SLC6A18: variants seen among roughly 807,000 people sequenced by gnomAD.
The protein encoded by SLC6A18 is solute carrier family 6 member 18.
Under a neutral mutation model 62.9 loss-of-function variants are expected in SLC6A18, and 58 were observed. The ratio of observed to expected loss-of-function variants is 0.92; its 90% CI spans 0.75 to 1.15. SLC6A18 has a LOEUF of 1.15. Ranked by LOEUF, SLC6A18 falls within the 50% of genes most tolerant of loss-of-function variation. SLC6A18 has a pLI of 0.00. For missense variants in SLC6A18, 793 were observed against 836.6 expected, an observed-to-expected ratio of 0.95 and a Z score of 0.64; for synonymous variants, 382 against 365.8, an observed-to-expected ratio of 1.04 and a Z score of -0.51.
chr5:1,225,572 C>T lies in SLC6A18; in HGVS notation c.95C>T (p.Thr32Ile), dbSNP rs7705355. 1,500,062 of 1,612,108 alleles carry T rather than the reference C, an allele frequency of 0.93. 701,073 individuals are homozygous for T. The highest frequency in any genetic ancestry group is 0.95 in the Non-Finnish European group (1,122,116 of 1,179,184). Reference protein sequence around the residue: ...DNKAQYLLSCTGFAVGLGNIW... With the variant: ...DNKAQYLLSCIGFAVGLGNIW... ...AAGGCCCAGTACCTCCTGAGCTGCACTGGGTTTGCCGTGGGACTGGGGAAC... is the reference window on the plus strand; with the variant it reads ...AAGGCCCAGTACCTCCTGAGCTGCATTGGGTTTGCCGTGGGACTGGGGAAC... Residue 32 changes from threonine to isoleucine, a missense_variant, in exon 1 of 12, where the codon ACT becomes ATT. Thr to Ile is a moderately conservative substitution (Grantham distance 89, BLOSUM62 -1). Coordinates refer to ENST00000324642, the MANE Select transcript of SLC6A18 (RefSeq NM_182632.3).
chr5:1,226,250 T>C (rs10063638), intron 1 of SLC6A18, among the ~76,000 whole-genome samples: 138,581 of 152,266 alleles, frequency 0.91, 63,502 homozygotes, highest in Non-Finnish European at 0.95. Context: ...CCCACGCACC[T>C]CGAGCCTCCC....
chr5:1,245,284 C>T (rs935141007), intron 11 of SLC6A18, among the ~76,000 whole-genome samples: 7 of 152,116 alleles, frequency 4.6e-5, no homozygotes, highest in Non-Finnish European at 7.4e-5. Context: ...ACTCCGAAAA[C>T]GCCTCAGGGG....
chr5:1,233,987 T>G (rs373659756), intron 3 of SLC6A18, among the ~76,000 whole-genome samples: 1 of 152,116 alleles, frequency 6.6e-6, no homozygotes, highest in Non-Finnish European at 1.5e-5. Flanking sequence ...GTGATCCGCC[T>G]GCCTCGGCCT....
At chr5:1,228,247 G>A (rs114903367) in intron 1 of SLC6A18, among the ~76,000 whole-genome samples, 2 of 152,196 alleles carry the variant, frequency 1.3e-5, no homozygotes, top group Non-Finnish European at 2.9e-5. Flanking sequence ...ACACTGCCCG[G>A]GGGGAGTTTC....
chr5:1,233,156 G>A (rs1362662377), intron 3 of SLC6A18, among the ~76,000 whole-genome samples: 2 of 152,230 alleles, frequency 1.3e-5, no homozygotes, highest in Non-Finnish European at 2.9e-5. Context: ...GCATGGCGTG[G>A]TCATGCGAGG....
At chr5:1,230,517 C>T (rs1746705465) in intron 1 of SLC6A18, among the ~76,000 whole-genome samples, 1 of 152,202 alleles carries the variant, frequency 6.6e-6, no homozygotes, top group Admixed American at 6.5e-5. Context: ...GCCGTCCGGC[C>T]CCCACATGCT....
rs751980651 is a variant in SLC6A18 at position 1,243,550 on chromosome 5, T to C, written c.1132-5T>C. The C allele has an allele frequency of 6.2e-7, 1 of 1,613,030 alleles. No individual in the cohort carries two copies. Among genetic ancestry groups the C allele is most frequent in the East Asian group, 2.2e-5 (1 of 44,864 alleles). On this transcript the variant is annotated splice_polypyrimidine_tract_variant and splice_region_variant and intron_variant, in intron 8 of 11. Coordinates refer to ENST00000324642, the MANE Select transcript of SLC6A18 (RefSeq NM_182632.3). This position sits in a 1 kb window ranked among gnomAD's most constrained non-coding sequence, Gnocchi z 6.5. ...GCCTGAAGCCCGGGGCTCCGTGTAT[T>C]GCAGAGTGCCTCGGGCCCGGGCCTG... is the stretch of plus-strand genomic sequence containing the variant.
chr5:1,240,611 C>T lies in SLC6A18; in HGVS notation c.926C>T (p.Ser309Phe). Residue 309 changes from serine to phenylalanine, a missense_variant, in exon 7 of 12, where the codon TCT becomes TTT. Physicochemically the swap from Ser to Phe is radical, Grantham distance 155. Coordinates refer to ENST00000324642, the MANE Select transcript of SLC6A18 (RefSeq NM_182632.3). ...CTGTACGCGTCCATCGCTGTCTTCT[C>T]TGTCCTGGGGTTCAAAGCAACTAAT... ...TSLYASIAVFSVLGFKATNDY... is the reference protein window; with the variant it reads ...TSLYASIAVFFVLGFKATNDY... 6.2e-7 allele frequency: 1 copy of T among 1,614,210 alleles called. No individual in the cohort carries two copies. Among genetic ancestry groups the T allele is most frequent in the Non-Finnish European group, 8.5e-7 (1 of 1,180,036 alleles).
chr5:1,241,340 C>G lies in SLC6A18; in HGVS notation c.974+681C>G, dbSNP rs749617592. 3.8e-4 allele frequency among the ~76,000 whole-genome samples: 58 copies of G among 152,220 alleles called. No individual in the cohort carries two copies. Among genetic ancestry groups the G allele is most frequent in the Non-Finnish European group, 1.2e-4 (8 of 68,032 alleles). The stretch of plus-strand genomic sequence containing the variant: ...GCAACATGGGGTGACTCTGACCCCA[C>G]CAGGGTACATCTGGCAGTATATGGA... On this transcript the variant is annotated intron_variant, in intron 7 of 11. Transcript: ENST00000324642. This position sits in a 1 kb window ranked among gnomAD's most constrained non-coding sequence, Gnocchi z 7.8.
At chr5:1,232,928 C>T in intron 3 of SLC6A18, 40 bp downstream of exon 3, 1 of 1,576,192 alleles carries the variant, frequency 6.3e-7, no homozygotes, top group South Asian at 1.2e-5. Context: ...CCGTGCACGG[C>T]CGAGAGAGGC....
At chr5:1,237,875 C>G (rs866992801) in intron 4 of SLC6A18, 75 bp from the exon 5 acceptor site, 3 of 1,186,892 alleles carry the variant, frequency 2.5e-6, no homozygotes, top group Admixed American at 1.7e-5. Context: ...GTGTCTGGAG[C>G]CTGCCTGCTT....
Position 1,241,877 on chromosome 5 carries a change from G to A in SLC6A18, c.975-830G>A, listed in dbSNP as rs78844046. 0.085 allele frequency among the ~76,000 whole-genome samples: 12,951 copies of A among 152,282 alleles called. 751 individuals carry two copies. The highest frequency in any genetic ancestry group is 0.15 in the African/African-American group (6,330 of 41,544). ...ACCAGCCGTGCGCACAACGCCCTGC[G>A]CCGTGCAGCCCAAGCTGGCCTCGTG... On this transcript the variant is annotated intron_variant, in intron 7 of 11. Coordinates refer to ENST00000324642, the MANE Select transcript of SLC6A18 (RefSeq NM_182632.3). This position sits in a 1 kb window ranked among gnomAD's most constrained non-coding sequence, Gnocchi z 7.8.
At chr5:1,229,533 C>T (rs1472646408) in intron 1 of SLC6A18, among the ~76,000 whole-genome samples, 1 of 152,230 alleles carries the variant, frequency 6.6e-6, no homozygotes. Flanking sequence ...CCCAGGGCAC[C>T]TGCTGGCCTG....
Position 1,238,381 on chromosome 5 carries a change from C to CAGGTGGA in SLC6A18, c.732+321_732+322insAGGTGGA, listed in dbSNP as rs1561178823. ...GGTCAGGTTTGGAGTGGGCCTGGGG[C>CAGGTGGA]CTCAGGAAAGAGGTCAGGTTTGGAG... On this transcript the variant is annotated intron_variant, in intron 5 of 11. Coordinates refer to ENST00000324642, the MANE Select transcript of SLC6A18 (RefSeq NM_182632.3). Among the ~76,000 whole-genome samples the CAGGTGGA allele has an allele frequency of 7.0e-4, 22 of 31,346 alleles. 1 individual carries two copies. In the African/African-American group the frequency reaches 8.7e-3, roughly 12 times the overall value. The allele number at this position is 31,346 out of a possible 152,430, so 20.6% of individuals were successfully genotyped here.
chr5:1,227,853 C>T (rs1330206634), intron 1 of SLC6A18, among the ~76,000 whole-genome samples: 2 of 152,194 alleles, frequency 1.3e-5, no homozygotes, highest in African/African-American at 2.4e-5. Flanking sequence ...GCCAGCTGCC[C>T]GGGACACTCT....
intron 4 of SLC6A18, among the ~76,000 whole-genome samples, chr5:1,236,715 G>T (rs1746891007): frequency 6.6e-6 from 1 of 152,084 alleles, no homozygotes; most frequent in Admixed American, 6.5e-5. Context: ...CAGGACCCCA[G>T]TGCCCCATGC....
At chr5:1,227,174 C>T (rs1008289083) in intron 1 of SLC6A18, among the ~76,000 whole-genome samples, 5 of 151,994 alleles carry the variant, frequency 3.3e-5, no homozygotes, top group Non-Finnish European at 7.4e-5. Context: ...CCTTGCCCGC[C>T]GATGCCTTGC....
intron 9 of SLC6A18, 31 bp from the exon 10 acceptor site, chr5:1,244,176 ATCCCCTT>A: frequency 6.7e-6 from 2 of 297,844 alleles, no homozygotes; most frequent in Non-Finnish European, 1.2e-5. Flanking sequence ...TCCACTCCCC[ATCCCCTT>A]ACCCCCCACA....
At chr5:1,228,959 T>G (rs536508894) in intron 1 of SLC6A18, among the ~76,000 whole-genome samples, 1 of 152,226 alleles carries the variant, frequency 6.6e-6, no homozygotes, top group Non-Finnish European at 1.5e-5. Context: ...AAAAAATGCA[T>G]GGACTGACTG....
Sources: allele counts gnomAD v4.1 joint callset (sites outside exome capture counted in the v4.1 genomes callset), GRCh38; gene constraint gnomAD v4.1.1; non-coding constraint Gnocchi (gnomAD v3.1); transcripts MANE v1.5; gene names NCBI Gene and HGNC (gene_info 2026-07-23, HGNC 2026-07-21).